Variants in ADGRL2 observed in about 807,000 individuals in gnomAD.
The protein encoded by ADGRL2 is calcium-independent alpha-latrotoxin receptor 2.
ADGRL2 carries 44 observed loss-of-function variants against 157.4 expected under a neutral mutation model. That is an observed-to-expected ratio of 0.28 (90% confidence interval 0.22 to 0.36). The LOEUF is 0.36. Among genes scored for constraint, ADGRL2 ranks in the 10% least tolerant of loss-of-function variants. ADGRL2 has a pLI of 1.00. For synonymous variants in ADGRL2, 585 were observed against 624.7 expected, an observed-to-expected ratio of 0.94 and a Z score of 0.95; for missense variants, 1,510 against 1,768.9, an observed-to-expected ratio of 0.85 and a Z score of 2.63.
intron 1 of ADGRL2, among the ~76,000 whole-genome samples, chr1:81,750,612 G>C (rs1406105214): frequency 6.6e-6 from 1 of 152,172 alleles, no homozygotes; most frequent in Non-Finnish European, 1.5e-5. Context: ...CAGCTACTTG[G>C]GAGGCTGAGG....
intron 11 of ADGRL2, 116 bp downstream of exon 11, chr1:81,956,176 T>A: frequency 1.4e-6 from 1 of 735,502 alleles, no homozygotes; most frequent in Non-Finnish European, 2.0e-6. Flanking sequence ...TTTGTCAAAT[T>A]ATTTTTGTCT....
chr1:81,923,557 T>A (rs186544342), intron 3 of ADGRL2, among the ~76,000 whole-genome samples: 2,363 of 152,256 alleles, frequency 0.016, 31 homozygotes, highest in Admixed American at 0.033. Context: ...ATTTTTTTTT[T>A]AATCTCATCT....
In ADGRL2 at chr1:81,969,235, A is replaced by G; in HGVS notation, c.2581A>G (p.Ile861Val). ...LTVITWVGIV[I>V]SLVCLAICIF... ...AGTCATCACCTGGGTGGGAATTGTC[A>G]TTTCCCTTGTTTGCCTGGCTATCTG... Residue 861 changes from isoleucine to valine, a missense_variant, in exon 15 of 24, where the codon ATT (isoleucine) becomes GTT (valine). Physicochemically the swap from Ile to Val is conservative, Grantham distance 29 (BLOSUM62 3). This residue lies in a region of ADGRL2 where 497 missense variants were observed against 627.2 expected (regional missense o/e 0.79). Transcript: ENST00000686636. 1 of 1,614,038 alleles carries G rather than the reference A, an allele frequency of 6.2e-7. No homozygotes were observed. The highest frequency in any genetic ancestry group is 8.5e-7 in the Non-Finnish European group (1 of 1,179,944).
chr1:81,990,843 G>A lies in ADGRL2; in HGVS notation c.4108G>A (p.Glu1370Lys). The A allele has an allele frequency of 6.2e-7, 1 of 1,614,072 alleles. No individual in the cohort carries two copies. Among genetic ancestry groups the A allele is most frequent in the Non-Finnish European group, 8.5e-7 (1 of 1,180,002 alleles). ...SYVSQLTAEA[E>K]DHLQSPNRDS... is the part of the protein sequence containing the mutation. The stretch of plus-strand genomic sequence containing the variant: ...TGTCTCCCAACTGACAGCAGAGGCT[G>A]AAGATCACCTACAGTCCCCCAACAG... Residue 1370 changes from glutamate to lysine, a missense_variant, in exon 24 of 24, where the codon GAA becomes AAA. Glu to Lys is a moderately conservative substitution (Grantham distance 56). Coordinates refer to ENST00000686636, the MANE Select transcript of ADGRL2 (RefSeq NM_001366006.2).
intron 1 of ADGRL2, among the ~76,000 whole-genome samples, chr1:81,320,650 A>G (rs1240168907): frequency 6.6e-6 from 1 of 152,224 alleles, no homozygotes; most frequent in East Asian, 1.9e-4. Context: ...AATATTTTGT[A>G]AGAAAGCTTC....
chr1:81,852,728 CCTCT>C (rs776349340), intron 2 of ADGRL2, among the ~76,000 whole-genome samples: 3 of 151,980 alleles, frequency 2.0e-5, no homozygotes, highest in Non-Finnish European at 2.9e-5. Context: ...CTGTTCTCAT[CCTCT>C]CTGTCAACTT....
At chr1:81,608,712 T>C (rs1434400938) in intron 3 of ADGRL2, among the ~76,000 whole-genome samples, 2 of 152,188 alleles carry the variant, frequency 1.3e-5, no homozygotes, top group Non-Finnish European at 2.9e-5. Context: ...ACTCTGCTAC[T>C]CTTCTCCATT....
At chr1:81,471,104 C>T (rs1320157714) in intron 2 of ADGRL2, among the ~76,000 whole-genome samples, 1 of 152,096 alleles carries the variant, frequency 6.6e-6, no homozygotes. Context: ...ATCTGTTAAG[C>T]ACATTGCAGG....
chr1:81,509,964 A>T (rs1357558855), intron 2 of ADGRL2, among the ~76,000 whole-genome samples: 1 of 152,180 alleles, frequency 6.6e-6, no homozygotes, highest in East Asian at 1.9e-4. Flanking sequence ...CAAGTCTTTC[A>T]CTAAACACAG....
chr1:81,889,620 T>C (rs2094211294), intron 2 of ADGRL2, among the ~76,000 whole-genome samples: 1 of 152,214 alleles, frequency 6.6e-6, no homozygotes, highest in Non-Finnish European at 1.5e-5. Flanking sequence ...CAGCAAGTTA[T>C]GCAGAAGATC....
In ADGRL2 at chr1:81,558,608, C is replaced by T. The variant is rs145249589; in HGVS notation, c.-247-22268C>T. On this transcript the variant is annotated intron_variant, in intron 2 of 24. Coordinates refer to the ADGRL2 transcript ENST00000370721. ...CAGCTCCAGATATTTGCAAATTTTG[C>T]CTCAGCTATTGAAATTTGTTATGGA... is the stretch of plus-strand genomic sequence containing the variant. Among the ~76,000 whole-genome samples the T allele has an allele frequency of 2.9e-4, 44 of 152,030 alleles. 1 individual carries two copies. The East Asian group carries it at 8.5e-3, about 29-fold the overall frequency.
chr1:81,602,693 G>A (rs1421379475), intron 3 of ADGRL2, among the ~76,000 whole-genome samples: 1 of 152,090 alleles, frequency 6.6e-6, no homozygotes, highest in Admixed American at 6.5e-5. Context: ...GAGGTCAGGA[G>A]TTCAAGACCA....
At position 81,314,110 on chromosome 1, in the gene ADGRL2, C is replaced by T. The variant is rs548249419; in HGVS notation, c.-302+7601C>T. Among the ~76,000 whole-genome samples the T allele has an allele frequency of 3.3e-5, 5 of 152,266 alleles. No individual in the cohort carries two copies. In the South Asian group the frequency reaches 1.0e-3, roughly 32 times the overall value. Reference sequence around the variant, plus strand: ...TATTTCAGATATAGCAATCTGACAACCCCCTGGTGTTAATCATGAAAGTAC... The same window carrying T: ...TATTTCAGATATAGCAATCTGACAATCCCCTGGTGTTAATCATGAAAGTAC... On this transcript the variant is annotated intron_variant, in intron 1 of 24. Coordinates refer to the ADGRL2 transcript ENST00000370721.
At chr1:81,544,693 C>G in intron 2 of ADGRL2, among the ~76,000 whole-genome samples, 1 of 152,182 alleles carries the variant, frequency 6.6e-6, no homozygotes, top group East Asian at 1.9e-4. Flanking sequence ...AGAGAGACAA[C>G]TGCCAGTAAT....
At chr1:81,323,957 C>T (rs1236862126) in intron 1 of ADGRL2, among the ~76,000 whole-genome samples, 2 of 152,176 alleles carry the variant, frequency 1.3e-5, no homozygotes, top group Non-Finnish European at 2.9e-5. Flanking sequence ...ATTGTTGTAG[C>T]TCTTTGAAGC....
chr1:81,970,086 C>T (rs1002827760), intron 15 of ADGRL2, among the ~76,000 whole-genome samples: 1 of 151,962 alleles, frequency 6.6e-6, no homozygotes, highest in Admixed American at 6.6e-5. Flanking sequence ...TTGATGAAAC[C>T]TAGCACACTT....
At chr1:81,776,420 C>T (rs2086588139) in intron 2 of ADGRL2, among the ~76,000 whole-genome samples, 1 of 152,136 alleles carries the variant, frequency 6.6e-6, no homozygotes. Context: ...ATCTCTTGAC[C>T]TCGTGATCTG....
intron 6 of ADGRL2, among the ~76,000 whole-genome samples, chr1:81,947,753 G>T (rs563095614): frequency 1.3e-5 from 2 of 152,172 alleles, no homozygotes; most frequent in East Asian, 1.9e-4. Flanking sequence ...TTTTCTTCTG[G>T]TATTGCTAAA....
At chr1:81,866,369 C>T (rs1441870783) in intron 2 of ADGRL2, among the ~76,000 whole-genome samples, 3 of 152,038 alleles carry the variant, frequency 2.0e-5, no homozygotes, top group African/African-American at 7.2e-5. Context: ...TATGTCTCTC[C>T]CACTATAAAC....
Sources: gnomAD v4.1 joint callset for allele counts (sites outside exome capture counted in the v4.1 genomes callset) on GRCh38, gnomAD v4.1.1 for gene constraint, gnomAD v4.1.1 regional missense constraint, MANE v1.5 for transcripts, NCBI Gene and HGNC (gene_info 2026-07-23, HGNC 2026-07-21) for gene names.